Variants in BLNK observed in about 807,000 individuals in gnomAD.
BLNK encodes the protein B-cell linker protein.
A neutral mutation model predicts 73.5 loss-of-function variants in BLNK; 29 were observed. The ratio of observed to expected loss-of-function variants is 0.39; its 90% CI spans 0.29 to 0.54. The LOEUF is 0.54. BLNK is among the 20% of genes least tolerant of loss of function. The pLI is 0.61. For missense variants in BLNK, 460 were observed against 562.8 expected (o/e 0.82, Z 1.85); for synonymous variants, 176 against 200.8 (o/e 0.88, Z 1.04).
chr10:96,225,155 A>G (rs1471204773), intron 5 of BLNK, among the ~76,000 whole-genome samples: 2 of 152,232 alleles, frequency 1.3e-5, no homozygotes, highest in Non-Finnish European at 2.9e-5. Context: ...GGCGGCCTCA[A>G]GTCTACCCAG....
chr10:96,193,903 G>A (rs1251741906), intron 16 of BLNK, among the ~76,000 whole-genome samples: 2 of 152,168 alleles, frequency 1.3e-5, no homozygotes, highest in African/African-American at 4.8e-5. Context: ...CCATTCAGAT[G>A]TTCAGTGTAT....
intron 8 of BLNK, among the ~76,000 whole-genome samples, chr10:96,211,212 A>G (rs1213408864): frequency 1.3e-5 from 2 of 152,160 alleles, no homozygotes; most frequent in African/African-American, 4.8e-5. Flanking sequence ...TACAGGCTGG[A>G]CCTGCTGCCC....
chr10:96,216,937 T>C (rs2084081365), intron 6 of BLNK, among the ~76,000 whole-genome samples: 1 of 152,180 alleles, frequency 6.6e-6, no homozygotes, highest in Admixed American at 6.5e-5. Context: ...TAGGACATTT[T>C]TATGCAAAAA....
intron 1 of BLNK, among the ~76,000 whole-genome samples, chr10:96,263,847 CCA>C (rs1463993828): frequency 8.5e-5 from 13 of 152,182 alleles, no homozygotes; most frequent in African/African-American, 3.1e-4. Flanking sequence ...GCAGCCAACC[CCA>C]GTGTCCAGTG....
intron 8 of BLNK, among the ~76,000 whole-genome samples, chr10:96,210,863 G>GTTTTTTT (rs377260098): frequency 8.2e-5 from 10 of 121,948 alleles, no homozygotes; most frequent in Admixed American, 1.7e-4. Context: ...CCACAATTCC[G>GTTTTTTT]TTTTTTTTTT....
At chr10:96,195,401 A>T (rs1488257020) in intron 16 of BLNK, among the ~76,000 whole-genome samples, 4 of 152,250 alleles carry the variant, frequency 2.6e-5, no homozygotes, top group African/African-American at 9.6e-5. Flanking sequence ...CAAGAGGTAG[A>T]AGCAACACAA....
Position 96,200,958 on chromosome 10 carries a change from T to C in BLNK, c.1011+24A>G. 1 of 1,602,766 alleles carries C rather than the reference T, an allele frequency of 6.2e-7. No individual in the cohort carries two copies. The highest frequency in any genetic ancestry group is 1.3e-5 in the African/African-American group (1 of 74,780). On this transcript the variant is annotated intron_variant, in intron 14 of 16. Transcript: ENST00000224337. This position sits in a 1 kb window ranked among gnomAD's most constrained non-coding sequence, Gnocchi z 4.3. ...CTGCAGTTTCCTGGTAACAATTTAG[T>C]GACATCAAGAGTTCATTTCATACCT... is the stretch of plus-strand genomic sequence containing the variant.
chr10:96,261,076 C>T (rs1308908035), intron 1 of BLNK, among the ~76,000 whole-genome samples: 1 of 152,100 alleles, frequency 6.6e-6, no homozygotes, highest in African/African-American at 2.4e-5. Context: ...AACTCCTGAG[C>T]TCAAGGGCTT....
intron 16 of BLNK, among the ~76,000 whole-genome samples, 183 bp from the exon 17 acceptor site, chr10:96,192,275 T>G (rs970676362): frequency 6.6e-6 from 1 of 152,194 alleles, no homozygotes; most frequent in Non-Finnish European, 1.5e-5. Flanking sequence ...TGGACTTTGC[T>G]GTATTAAGTA....
intron 2 of BLNK, among the ~76,000 whole-genome samples, chr10:96,244,340 T>C (rs1554907073): frequency 6.6e-6 from 1 of 152,214 alleles, no homozygotes; most frequent in Non-Finnish European, 1.5e-5. Context: ...CCATTATTAC[T>C]ATCATTTCAT....
intron 6 of BLNK, among the ~76,000 whole-genome samples, chr10:96,223,045 A>G (rs940112034): frequency 6.6e-6 from 1 of 152,106 alleles, no homozygotes; most frequent in East Asian, 1.9e-4. Flanking sequence ...AGTTTCCGAT[A>G]AGATCTCAGG....
intron 4 of BLNK, among the ~76,000 whole-genome samples, chr10:96,228,144 G>C (rs1011368678): frequency 3.0e-4 from 44 of 146,568 alleles, no homozygotes; most frequent in Non-Finnish European, 5.0e-4. Flanking sequence ...CTGTTGCCCA[G>C]ACTGGAGTGC....
chr10:96,252,882 C>G (rs1434273884), intron 1 of BLNK, among the ~76,000 whole-genome samples: 2 of 152,120 alleles, frequency 1.3e-5, no homozygotes, highest in Non-Finnish European at 2.9e-5. Context: ...CACTAAGACT[C>G]GACCTCATCC....
chr10:96,206,566 A>AAT (rs1410534561), intron 11 of BLNK, among the ~76,000 whole-genome samples: 1 of 151,616 alleles, frequency 6.6e-6, no homozygotes, highest in Non-Finnish European at 1.5e-5. Flanking sequence ...AAAAAAAAAA[A>AAT]AGGAAGAAAA....
chr10:96,253,567 A>T (rs1843375892), intron 1 of BLNK, among the ~76,000 whole-genome samples: 1 of 152,208 alleles, frequency 6.6e-6, no homozygotes, highest in Non-Finnish European at 1.5e-5. Flanking sequence ...AGGTCTAAAG[A>T]TTGCCTGTAT....
At chr10:96,238,022 G>A (rs367951624) in intron 3 of BLNK, among the ~76,000 whole-genome samples, 6 of 152,228 alleles carry the variant, frequency 3.9e-5, no homozygotes, top group African/African-American at 1.2e-4. Context: ...CCACAGCAAT[G>A]CCAGCTGCTT....
intron 6 of BLNK, 56 bp from the exon 7 acceptor site, chr10:96,216,790 A>G: frequency 6.9e-7 from 1 of 1,441,412 alleles, no homozygotes; most frequent in Non-Finnish European, 9.8e-7. Flanking sequence ...AGTTGACTGT[A>G]TGGGAGGGAG....
chr10:96,218,193 C>T (rs1300492439), intron 6 of BLNK, among the ~76,000 whole-genome samples: 1 of 152,098 alleles, frequency 6.6e-6, no homozygotes, highest in Non-Finnish European at 1.5e-5. Context: ...TACCACCTGC[C>T]CTGGTGGGCA....
chr10:96,234,597 C>T (rs1842630454), intron 3 of BLNK, among the ~76,000 whole-genome samples: 1 of 152,168 alleles, frequency 6.6e-6, no homozygotes, highest in African/African-American at 2.4e-5. Flanking sequence ...AGGATAAGAA[C>T]AGTGCCTGTA....
Sources: gnomAD v4.1 joint callset for allele counts (sites outside exome capture counted in the v4.1 genomes callset) on GRCh38, gnomAD v4.1.1 for gene constraint, Gnocchi (gnomAD v3.1) non-coding constraint, MANE v1.5 for transcripts, NCBI Gene and HGNC (gene_info 2026-07-23, HGNC 2026-07-21) for gene names.